The following RPGRIP1 variants were observed in gnomAD, a reference collection of about 807,000 sequenced individuals.
RPGRIP1 encodes X-linked retinitis pigmentosa GTPase regulator-interacting protein 1.
RPGRIP1 carries 128 observed loss-of-function variants against 157.9 expected under a neutral mutation model. That is an observed-to-expected ratio of 0.81 (90% CI 0.70 to 0.94). The LOEUF (loss-of-function observed/expected upper bound fraction) is 0.94. RPGRIP1 is among the 40% of genes least tolerant of loss of function. The probability of loss-of-function intolerance (pLI) is 0.00; values close to 1 mark genes in which losing one functional copy is unlikely to be tolerated. For missense variants in RPGRIP1, 1,486 were observed against 1,545.8 expected (o/e 0.96, Z 0.65); for synonymous variants, 554 against 571.6 (o/e 0.97, Z 0.44).
chr14:21,312,884 G>T (rs1256464427), intron 10 of RPGRIP1, among the ~76,000 whole-genome samples: 1 of 151,812 alleles, frequency 6.6e-6, no homozygotes, highest in Non-Finnish European at 1.5e-5. Flanking sequence ...ACCCAGGCTG[G>T]AAAACAGTGG....
At chr14:21,306,703 C>T (rs1025253545) in intron 6 of RPGRIP1, among the ~76,000 whole-genome samples, 52 of 151,006 alleles carry the variant, frequency 3.4e-4, no homozygotes, top group African/African-American at 1.1e-3. Context: ...GTGATCCACC[C>T]GCCTCAGCCT....
At position 21,330,309 on chromosome 14, in the gene RPGRIP1, A is replaced by G; in HGVS notation, c.3160A>G (p.Lys1054Glu). The part of the protein sequence containing the change: ...ETNSFIGDGF[K>E]NQHEEEEMTL... ...TAACAGCTTCATAGGTGATGGCTTT[A>G]AAAATCAGCACGAGGAAGAGGAAAT... is the stretch of plus-strand genomic sequence containing the variant. The change falls in exon 20 of 25, where the codon AAA becomes GAA. Residue 1054 changes from lysine to glutamate, a missense_variant. Transcript: ENST00000400017. 1 of 1,581,934 alleles carries G rather than the reference A, an allele frequency of 6.3e-7. No individual in the cohort carries two copies. Among genetic ancestry groups the G allele is most frequent in the Non-Finnish European group, 8.6e-7 (1 of 1,166,776 alleles).
intron 6 of RPGRIP1, among the ~76,000 whole-genome samples, chr14:21,305,807 G>C (rs984633818): frequency 3.9e-5 from 6 of 152,126 alleles, no homozygotes; most frequent in Admixed American, 1.3e-4. Flanking sequence ...GTTGCACTGG[G>C]CCAAGATTAT....
At chr14:21,300,662 A>AT (rs1032510013) in intron 3 of RPGRIP1, among the ~76,000 whole-genome samples, 1 of 146,556 alleles carries the variant, frequency 6.8e-6, no homozygotes, top group Non-Finnish European at 1.5e-5. Flanking sequence ...TCTATATATA[A>AT]TTTTTTTAAA....
intron 2 of RPGRIP1, among the ~76,000 whole-genome samples, chr14:21,292,532 C>T (rs1443618916): frequency 6.6e-6 from 1 of 152,014 alleles, no homozygotes. Flanking sequence ...CATGGTGAGA[C>T]CTTGTCACTA....
rs1250250793 is a variant in RPGRIP1, at chr14:21,318,723, C to A, written c.1306+873C>A. On this transcript the variant is annotated intron_variant, in intron 11 of 24. Transcript: ENST00000400017. ...AAACTAACCTCAAGTGATCCACCCG[C>A]CTCAGCCTCCCAAAGTGCTGGGATT... Among the ~76,000 whole-genome samples, 5 of 152,254 alleles carry A rather than the reference C, an allele frequency of 3.3e-5. No homozygotes were observed. In the East Asian group the frequency reaches 9.7e-4, roughly 29 times the overall value.
chr14:21,326,516 T>C (rs1271251169), intron 17 of RPGRIP1, among the ~76,000 whole-genome samples: 1 of 152,070 alleles, frequency 6.6e-6, no homozygotes, highest in Non-Finnish European at 1.5e-5. Context: ...ATTACAGACA[T>C]GCGCCACCAC....
chr14:21,310,616 T>C lies in RPGRIP1; in HGVS notation c.930+9T>C, dbSNP rs1449411768. On this transcript the variant is annotated intron_variant, in intron 8 of 24. Coordinates refer to ENST00000400017, the MANE Select transcript of RPGRIP1 (RefSeq NM_020366.4). The stretch of plus-strand genomic sequence containing the variant: ...AAACCTTGCTCCAGAAGGTACTTAA[T>C]GAGAATTGAGTCTCTGTTTCTTAGT... 2 of 1,450,740 alleles carry C rather than the reference T, an allele frequency of 1.4e-6. No individual in the cohort carries two copies. Among genetic ancestry groups the C allele is most frequent in the Non-Finnish European group, 1.9e-6 (2 of 1,066,574 alleles). The allele number at this position is 1,450,740 out of a possible 1,614,324, so 89.9% of individuals were successfully genotyped here. A position where few individuals can be genotyped will look rare whatever the true frequency, so the allele number is the denominator to read the frequency against.
intron 3 of RPGRIP1, 38 bp from the exon 4 acceptor site, chr14:21,300,928 T>C: frequency 6.2e-7 from 1 of 1,601,442 alleles, no homozygotes; most frequent in Non-Finnish European, 8.5e-7. Flanking sequence ...ATAATAACTG[T>C]CATGAAAGGA....
chr14:21,307,020 C>G (rs535670497), intron 6 of RPGRIP1, among the ~76,000 whole-genome samples: 117 of 152,196 alleles, frequency 7.7e-4, no homozygotes, highest in Non-Finnish European at 1.3e-3. Context: ...GTGATCTGCC[C>G]GCCTCAACTT....
At chr14:21,308,221 T>A (rs767696859) in intron 7 of RPGRIP1, among the ~76,000 whole-genome samples, 3 of 152,242 alleles carry the variant, frequency 2.0e-5, no homozygotes, top group Non-Finnish European at 4.4e-5. Flanking sequence ...TGAGCTGTAC[T>A]CTGTCCCAGA....
rs976158190 is a variant in RPGRIP1, at chr14:21,324,254, T to C, written c.1763-364T>C. On this transcript the variant is annotated intron_variant, in intron 14 of 24. Coordinates refer to ENST00000400017, the MANE Select transcript of RPGRIP1 (RefSeq NM_020366.4). ...TATACCAAACTTGTAGAAATATTCA[T>C]GTTTTTGTGTTTCTAGTACTTCTCT... is the stretch of plus-strand genomic sequence containing the variant. The C allele has an allele frequency of 2.4e-5, 8 of 333,812 alleles. No individual in the cohort carries two copies. The East Asian group carries it at 6.1e-4, about 26-fold the overall frequency. The allele number at this position is 333,812 out of a possible 1,614,324, so 20.7% of individuals were successfully genotyped here. A position where few individuals can be genotyped will look rare whatever the true frequency, so the allele number is the denominator to read the frequency against.
intron 21 of RPGRIP1, among the ~76,000 whole-genome samples, chr14:21,335,046 C>CAAAAAAAAAAAAAAAAAAA (rs869065591): frequency 3.6e-5 from 1 of 28,050 alleles, no homozygotes; most frequent in Non-Finnish European, 7.4e-5. Flanking sequence ...AACTCTGTCT[C>CAAAAAAAAAAAAAAAAAAA]AAAAAAAAAA....
chr14:21,350,982 G>C (rs1454398325), intron 24 of RPGRIP1, 122 bp from the exon 25 acceptor site: 1 of 590,298 alleles, frequency 1.7e-6, no homozygotes. Context: ...TCCTTCACTA[G>C]ATTGAGTCCT....
chr14:21,340,137 G>A (rs1432030395), intron 21 of RPGRIP1, among the ~76,000 whole-genome samples: 1 of 152,078 alleles, frequency 6.6e-6, no homozygotes, highest in Non-Finnish European at 1.5e-5. Context: ...AAGGCCCTGA[G>A]GTAGGAAAGA....
intron 11 of RPGRIP1, among the ~76,000 whole-genome samples, chr14:21,319,343 C>T (rs1882148123): frequency 6.6e-6 from 1 of 152,218 alleles, no homozygotes; most frequent in African/African-American, 2.4e-5. Context: ...CAGCAGATCA[C>T]ATGAGGCCAG....
intron 23 of RPGRIP1, among the ~76,000 whole-genome samples, chr14:21,346,880 T>C (rs540623225): frequency 6.6e-6 from 1 of 152,200 alleles, no homozygotes; most frequent in East Asian, 1.9e-4. Context: ...TTTTGTTTCA[T>C]CTGCTTTTAC....
Position 21,307,676 on chromosome 14 carries a change from A to G in RPGRIP1, c.801-55A>G. The G allele has an allele frequency of 3.4e-6, 4 of 1,160,452 alleles. No homozygotes were observed. The South Asian group carries it at 4.1e-5, about 12-fold the overall frequency. The allele number at this position is 1,160,452 out of a possible 1,614,324, so 71.9% of individuals were successfully genotyped here. On this transcript the variant is annotated intron_variant, in intron 6 of 24. Coordinates refer to ENST00000400017, the MANE Select transcript of RPGRIP1 (RefSeq NM_020366.4). ...TTACTAGGGCATAGTCAAGGAGAAA[A>G]TGTCTTTAATTCTATCCATGTTCAG...
chr14:21,296,290 C>T (rs1377418542), intron 3 of RPGRIP1, among the ~76,000 whole-genome samples: 1 of 152,064 alleles, frequency 6.6e-6, no homozygotes, highest in Non-Finnish European at 1.5e-5. Context: ...TGGTCTCGAA[C>T]TCCTGAGCTC....
Sources: allele counts gnomAD v4.1 joint callset (sites outside exome capture counted in the v4.1 genomes callset), GRCh38; gene constraint gnomAD v4.1.1; transcripts MANE v1.5; gene names NCBI Gene and HGNC (gene_info 2026-07-23, HGNC 2026-07-21).